OPCML: variants seen among roughly 807,000 people sequenced by gnomAD.
The protein encoded by OPCML is opioid binding protein/cell adhesion molecule like.
A neutral mutation model predicts 37.8 loss-of-function variants in OPCML; 13 were observed. The observed-to-expected ratio is 0.34, with a 90% CI of 0.22 to 0.55. The LOEUF is 0.55. OPCML is among the 20% of genes least tolerant of loss of function. The pLI, the probability that OPCML is intolerant of heterozygous loss-of-function variation, is 0.91. For missense variants in OPCML, 341 were observed against 435.6 expected (o/e 0.78, Z 1.93); for synonymous variants, 176 against 168.8 (o/e 1.04, Z -0.33).
At chr11:133,313,742 A>T (rs1943121063) in intron 1 of OPCML, among the ~76,000 whole-genome samples, 1 of 152,168 alleles carries the variant, frequency 6.6e-6, no homozygotes. Context: ...CCAGAAACAC[A>T]CACCATCCTA....
At chr11:132,804,522 C>A (rs911450582) in intron 2 of OPCML, among the ~76,000 whole-genome samples, 6 of 152,168 alleles carry the variant, frequency 3.9e-5, no homozygotes, top group Non-Finnish European at 7.3e-5. Context: ...ACTAAATGCA[C>A]TGCTGGGGAA....
rs577819093 is a variant in OPCML, at chr11:132,690,269, C to T, written c.147-32950G>A. On this transcript the variant is annotated intron_variant, in intron 2 of 7. Transcript: ENST00000524381. ...CAGGTTCTTAAACTTAACGTGCATCCGAGTCATCTGGAAGACCTATTAAAA... is the reference window on the plus strand; with the variant it reads ...CAGGTTCTTAAACTTAACGTGCATCTGAGTCATCTGGAAGACCTATTAAAA... Among the ~76,000 whole-genome samples the T allele has an allele frequency of 2.2e-4, 33 of 152,236 alleles. 1 individual carries two copies. Among genetic ancestry groups the T allele is most frequent in the South Asian group, 8.3e-4 (4 of 4,822 alleles).
chr11:132,839,791 C>T (rs1307371780), intron 2 of OPCML, among the ~76,000 whole-genome samples: 1 of 152,202 alleles, frequency 6.6e-6, no homozygotes, highest in Non-Finnish European at 1.5e-5. Context: ...GGCAACTGAT[C>T]TGATGGTTCC....
intron 1 of OPCML, among the ~76,000 whole-genome samples, chr11:133,494,476 G>A (rs557523588): frequency 6.6e-4 from 99 of 150,610 alleles, no homozygotes; most frequent in African/African-American, 2.4e-3. Context: ...CAAGCCAAAT[G>A]TCCAACAATG....
chr11:132,930,281 G>A (rs1316704209), intron 2 of OPCML, among the ~76,000 whole-genome samples: 6 of 152,024 alleles, frequency 3.9e-5, no homozygotes, highest in South Asian at 2.1e-4. Flanking sequence ...GGAGAATCAC[G>A]TGAACCTGAA....
chr11:132,525,657 G>A (rs1180991472), intron 4 of OPCML, among the ~76,000 whole-genome samples: 2 of 152,100 alleles, frequency 1.3e-5, no homozygotes, highest in Non-Finnish European at 2.9e-5. Context: ...TCACCCTGCA[G>A]ATGCAAATTT....
intron 3 of OPCML, among the ~76,000 whole-genome samples, chr11:132,653,637 T>C (rs1172216535): frequency 6.6e-6 from 1 of 152,184 alleles, no homozygotes; most frequent in Non-Finnish European, 1.5e-5. Flanking sequence ...TGAGAAGGAT[T>C]TGGAAATTAG....
chr11:133,014,730 GA>G (rs1947287829), intron 1 of OPCML, among the ~76,000 whole-genome samples: 1 of 152,226 alleles, frequency 6.6e-6, no homozygotes, highest in South Asian at 2.1e-4. Flanking sequence ...GAAGGAGAGA[GA>G]AAGAAGTAAA....
chr11:133,044,993 A>G (rs1947979988), intron 1 of OPCML, among the ~76,000 whole-genome samples: 1 of 152,164 alleles, frequency 6.6e-6, no homozygotes, highest in African/African-American at 2.4e-5. Flanking sequence ...TTTGGTTATA[A>G]GCAAAAGAAT....
chr11:133,040,003 T>C (rs1947859731), intron 1 of OPCML, among the ~76,000 whole-genome samples: 1 of 151,328 alleles, frequency 6.6e-6, no homozygotes, highest in South Asian at 2.1e-4. Context: ...CACTACAGCC[T>C]GAGTGACAGC....
intron 7 of OPCML, among the ~76,000 whole-genome samples, chr11:132,430,281 G>A (rs2095992146): frequency 6.6e-6 from 1 of 152,116 alleles, no homozygotes; most frequent in African/African-American, 2.4e-5. Context: ...GGAACGAGAA[G>A]ATGGAGGGGG....
chr11:132,433,749 C>T (rs1291113825), intron 7 of OPCML, among the ~76,000 whole-genome samples: 1 of 152,152 alleles, frequency 6.6e-6, no homozygotes, highest in Admixed American at 6.5e-5. Context: ...CACCAGAAAG[C>T]TCCCTCTCTC....
rs140746745 is a variant in OPCML at position 132,719,563 on chromosome 11, G to A, written c.147-62244C>T. Among the ~76,000 whole-genome samples the A allele has an allele frequency of 3.6e-3, 550 of 152,304 alleles. 6 individuals are homozygous for A. Among genetic ancestry groups the A allele is most frequent in the African/African-American group, 0.013 (533 of 41,568 alleles). ...GATGTCTGTGTGCTGCGGCCAGGCT[G>A]CTGCCAAGGAGAACCAGAAGGGGTG... On this transcript the variant is annotated intron_variant, in intron 2 of 7. Coordinates refer to ENST00000524381, the MANE Select transcript of OPCML (RefSeq NM_001012393.5).
intron 1 of OPCML, among the ~76,000 whole-genome samples, chr11:133,363,305 C>T (rs142751836): frequency 7.2e-5 from 11 of 152,274 alleles, no homozygotes; most frequent in African/African-American, 9.6e-5. Context: ...ATCGTGGAAA[C>T]GAGTCTTCGC....
chr11:132,892,371 C>T (rs140771462), intron 2 of OPCML, among the ~76,000 whole-genome samples: 179 of 152,124 alleles, frequency 1.2e-3, no homozygotes, highest in African/African-American at 4.2e-3. Context: ...GAGTGGGGGA[C>T]AGAAGAAGGG....
chr11:132,764,535 T>C (rs948200718), intron 2 of OPCML, among the ~76,000 whole-genome samples: 2 of 152,228 alleles, frequency 1.3e-5, no homozygotes, highest in African/African-American at 4.8e-5. Context: ...ACTCATAACA[T>C]GTTGATACCA....
chr11:133,137,359 C>T (rs1164043660), intron 1 of OPCML, among the ~76,000 whole-genome samples: 2 of 152,152 alleles, frequency 1.3e-5, no homozygotes, highest in Non-Finnish European at 2.9e-5. Flanking sequence ...GAGATTTTTA[C>T]TTTTCTGCGG....
intron 1 of OPCML, among the ~76,000 whole-genome samples, chr11:133,002,710 G>A (rs1947029378): frequency 6.7e-6 from 1 of 150,162 alleles, no homozygotes; most frequent in Admixed American, 6.6e-5. Flanking sequence ...GTGTGAATGT[G>A]TATAGGGAGA....
chr11:133,422,375 C>CA (rs1809510657), intron 1 of OPCML: 1 of 893,676 alleles, frequency 1.1e-6, no homozygotes, highest in Non-Finnish European at 1.3e-6. Context: ...AGACCAAAGA[C>CA]ATTATATATA....
Sources: gnomAD v4.1 joint callset for allele counts (sites outside exome capture counted in the v4.1 genomes callset) on GRCh38, gnomAD v4.1.1 for gene constraint, MANE v1.5 for transcripts, NCBI Gene and HGNC (gene_info 2026-07-23, HGNC 2026-07-21) for gene names.